The following NBAS variants were observed in gnomAD, a reference collection of about 807,000 sequenced individuals.
The protein encoded by NBAS is NAG/BC035112 fusion.
Under a neutral mutation model 302.5 loss-of-function variants are expected in NBAS, and 219 were observed. The observed-to-expected ratio is 0.72, with a 90% CI of 0.65 to 0.81. NBAS has a LOEUF of 0.81. Among genes scored for constraint, NBAS ranks in the 30% least tolerant of loss-of-function variants. NBAS has a pLI of 0.00. For missense variants in NBAS, 2,932 were observed against 2,841.6 expected, an observed-to-expected ratio of 1.03 and a Z score of -0.72; for synonymous variants, 1,118 against 1,021.6, an observed-to-expected ratio of 1.09 and a Z score of -1.80.
the NBAS span, among the ~76,000 whole-genome samples, chr2:15,064,490 T>C: frequency 2.8e-4 from 43 of 151,892 alleles, no homozygotes; most frequent in Non-Finnish European, 5.6e-4. Context: ...ACCAAAGTAG[T>C]TTGACATGCA....
chr2:15,293,743 T>C (rs560030423), intron 40 of NBAS, among the ~76,000 whole-genome samples: 3 of 152,290 alleles, frequency 2.0e-5, no homozygotes, highest in African/African-American at 7.2e-5. Flanking sequence ...ATTATTCTGA[T>C]CTGCACAGGA....
chr2:15,292,369 T>C (rs1670343168), intron 41 of NBAS, among the ~76,000 whole-genome samples, 168 bp downstream of exon 41: 1 of 152,206 alleles, frequency 6.6e-6, no homozygotes, highest in African/African-American at 2.4e-5. Flanking sequence ...CTGATCGGTT[T>C]GGAGAAGGCA....
the NBAS span, among the ~76,000 whole-genome samples, chr2:14,892,432 G>A: frequency 6.6e-6 from 1 of 152,156 alleles, no homozygotes; most frequent in Admixed American, 6.5e-5. Flanking sequence ...GACCACGTAG[G>A]ACACCTGAGT....
intron 9 of NBAS, among the ~76,000 whole-genome samples, chr2:15,522,378 T>TTA (rs1291620142): frequency 6.6e-6 from 1 of 152,236 alleles, no homozygotes; most frequent in East Asian, 1.9e-4. Flanking sequence ...GGTGGAAATA[T>TTA]TATACATCAA....
At chr2:14,864,523 C>A in the NBAS span, among the ~76,000 whole-genome samples, 2 of 152,082 alleles carry the variant, frequency 1.3e-5, no homozygotes, top group African/African-American at 4.8e-5. Flanking sequence ...TTTAAGTTTT[C>A]TAAACTCAGA....
intron 28 of NBAS, among the ~76,000 whole-genome samples, chr2:15,391,673 C>T (rs189304839): frequency 6.6e-6 from 1 of 151,958 alleles, no homozygotes; most frequent in East Asian, 1.9e-4. Flanking sequence ...AACCCAAAGA[C>T]CCAAGATCCA....
Position 15,374,693 on chromosome 2 carries a change from T to A in NBAS, c.3618A>T (p.Arg1206Ser), listed in dbSNP as rs1572741403. 6.2e-7 allele frequency: 1 copy of A among 1,613,644 alleles called. No homozygotes were observed. The highest frequency in any genetic ancestry group is 1.3e-5 in the African/African-American group (1 of 74,838). ...CTAGCTCCTCTTGAATGGCAGGGGG[T>A]CTGTCTGTTATCAGTTGTAAGCAGC... ...ARCCLQLITD[R>S]PPAIQEELDL... The change falls in exon 31 of 52, where the codon AGA (arginine) becomes AGT (serine). Residue 1206 changes from arginine to serine, a missense_variant. By Grantham distance (110) the Arg-to-Ser change is moderately radical. Transcript: ENST00000281513.
At chr2:15,210,118 G>A (rs1342829650) in intron 48 of NBAS, among the ~76,000 whole-genome samples, 1 of 151,936 alleles carries the variant, frequency 6.6e-6, no homozygotes, top group Non-Finnish European at 1.5e-5. Flanking sequence ...GCAAAAAAGG[G>A]ACAAATGGAA....
intron 51 of NBAS, among the ~76,000 whole-genome samples, chr2:15,173,965 C>G (rs1390696926): frequency 6.6e-6 from 1 of 152,212 alleles, no homozygotes; most frequent in Non-Finnish European, 1.5e-5. Context: ...TACACAGTGC[C>G]AGGCTGTGCA....
At chr2:15,334,870 A>G (rs187235230) in intron 35 of NBAS, among the ~76,000 whole-genome samples, 11 of 152,248 alleles carry the variant, frequency 7.2e-5, no homozygotes, top group Non-Finnish European at 1.5e-4. Flanking sequence ...TAACACCACC[A>G]GAATCCTAGA....
chr2:15,086,446 A>T, the NBAS span, among the ~76,000 whole-genome samples: 1 of 152,206 alleles, frequency 6.6e-6, no homozygotes, highest in Admixed American at 6.5e-5. Context: ...CTCAGGACCC[A>T]CCAAACGGTG....
At chr2:15,020,650 T>C in the NBAS span, among the ~76,000 whole-genome samples, 2 of 152,136 alleles carry the variant, frequency 1.3e-5, no homozygotes, top group African/African-American at 4.8e-5. Context: ...ACTCCACTCC[T>C]GAGAGCAAGA....
the NBAS span, among the ~76,000 whole-genome samples, chr2:15,147,117 G>C: frequency 1.3e-5 from 2 of 152,126 alleles, no homozygotes; most frequent in African/African-American, 2.4e-5. Flanking sequence ...AACTGTTCTG[G>C]GTAGCCCTAG....
At chr2:15,252,867 G>A (rs776963011) in intron 44 of NBAS, among the ~76,000 whole-genome samples, 14 of 152,008 alleles carry the variant, frequency 9.2e-5, no homozygotes, top group Non-Finnish European at 1.6e-4. Flanking sequence ...ACATCCTAAT[G>A]GAAAAGTCTA....
the NBAS span, among the ~76,000 whole-genome samples, chr2:15,139,503 T>G: frequency 2.1e-5 from 3 of 140,356 alleles, no homozygotes; most frequent in Admixed American, 7.0e-5. Flanking sequence ...TAGTGTATGG[T>G]GTGTGTGTGT....
chr2:14,990,738 T>A, the NBAS span, among the ~76,000 whole-genome samples: 3 of 152,204 alleles, frequency 2.0e-5, no homozygotes, highest in Non-Finnish European at 4.4e-5. Context: ...TAGCTGGGAC[T>A]GTAGGTGCAC....
At position 15,179,018 on chromosome 2, in the gene NBAS, C is replaced by T; in HGVS notation, c.6810G>A (p.Met2270Ile). Residue 2270 changes from methionine (M) to isoleucine (I), a missense_variant, in exon 51 of 52, where the codon ATG becomes ATA. Met to Ile is a conservative substitution (Grantham distance 10, BLOSUM62 1). Transcript: ENST00000281513. ...TGACTGCCGTGATTTGCTCCAGTGC[C>T]ATCTCGTGCAGATGCTCATCTCGGC... ...LESRDEHLHEMALEQITAVTT... is the reference protein window; with the variant it reads ...LESRDEHLHEIALEQITAVTT... 2 of 1,613,938 alleles carry T rather than the reference C, an allele frequency of 1.2e-6. No individual in the cohort carries two copies. The highest frequency in any genetic ancestry group is 1.7e-6 in the Non-Finnish European group (2 of 1,180,004).
Position 15,174,791 on chromosome 2 carries a change from C to A in NBAS, c.6840+4197G>T, listed in dbSNP as rs78871495. ...TGGCTGCTTACTAGCTGTGTGACCC[C>A]TGAGCCTCATGTTCTCATCTGTGAA... On this transcript the variant is annotated intron_variant, in intron 51 of 51. Transcript: ENST00000281513. Among the ~76,000 whole-genome samples, 421 of 152,254 alleles carry A rather than the reference C, an allele frequency of 2.8e-3. 8 individuals carry two copies. In the East Asian group the frequency reaches 0.065, roughly 23 times the overall value.
intron 12 of NBAS, among the ~76,000 whole-genome samples, chr2:15,478,794 G>A (rs1326044684): frequency 6.6e-6 from 1 of 152,126 alleles, no homozygotes; most frequent in Non-Finnish European, 1.5e-5. Context: ...TCCTAAAAAT[G>A]AATCCATTCA....
Sources: allele counts gnomAD v4.1 joint callset (sites outside exome capture counted in the v4.1 genomes callset), GRCh38; gene constraint gnomAD v4.1.1; transcripts MANE v1.5; gene names NCBI Gene and HGNC (gene_info 2026-07-23, HGNC 2026-07-21).